The following ZYG11B variants were observed in gnomAD, a reference collection of about 807,000 sequenced individuals.
ZYG11B encodes protein zyg-11 homolog B.
Under a neutral mutation model 82.4 loss-of-function variants are expected in ZYG11B, and 36 were observed. That is an observed-to-expected ratio of 0.44 (90% CI 0.33 to 0.58). ZYG11B has a LOEUF of 0.58. Among genes scored for constraint, ZYG11B ranks in the 20% least tolerant of loss-of-function variants. The pLI is 0.02. For missense variants in ZYG11B, 552 were observed against 895.6 expected (o/e 0.62, Z 4.90); for synonymous variants, 303 against 312.8 (o/e 0.97, Z 0.33).
intron 12 of ZYG11B, among the ~76,000 whole-genome samples, chr1:52,815,656 C>T (rs564750471): frequency 6.1e-4 from 92 of 151,654 alleles, no homozygotes; most frequent in African/African-American, 2.2e-3. Context: ...ATAAATAGGC[C>T]GGGCATGGTG....
rs1359196323 is a variant in ZYG11B at position 52,825,125 on chromosome 1, G to A, written c.*3496G>A. 1 of 151,940 alleles carries A rather than the reference G, an allele frequency of 6.6e-6. No individual in the cohort carries two copies. Among genetic ancestry groups the A allele is most frequent in the African/African-American group, 2.4e-5 (1 of 41,368 alleles). 9.4% of individuals were successfully genotyped at this position (151,940 alleles called of 1,614,324 possible). On this transcript the variant is annotated 3_prime_UTR_variant, in exon 14 of 14. Coordinates refer to ENST00000294353, the MANE Select transcript of ZYG11B (RefSeq NM_024646.3). ...AAAATAGATTATAATGATACATATT[G>A]GTATCATTAAGACAACAGATTTGAG...
At chr1:52,748,260 A>G (rs1181289942) in intron 1 of ZYG11B, among the ~76,000 whole-genome samples, 1 of 152,200 alleles carries the variant, frequency 6.6e-6, no homozygotes, top group Non-Finnish European at 1.5e-5. Flanking sequence ...GACCTGATAC[A>G]GAATAAATGC....
At chr1:52,764,623 A>G (rs986000871) in intron 2 of ZYG11B, among the ~76,000 whole-genome samples, 1 of 152,200 alleles carries the variant, frequency 6.6e-6, no homozygotes, top group Non-Finnish European at 1.5e-5. Context: ...AAATAAGACA[A>G]TGAATGCAAC....
At chr1:52,797,108 A>G (rs1478448485) in intron 8 of ZYG11B, among the ~76,000 whole-genome samples, 1 of 70,586 alleles carries the variant, frequency 1.4e-5, no homozygotes, top group Admixed American at 2.4e-4. Flanking sequence ...CATATTGTAT[A>G]TATTTATATA....
chr1:52,749,310 A>C (rs937988999), intron 1 of ZYG11B, among the ~76,000 whole-genome samples: 6 of 152,224 alleles, frequency 3.9e-5, no homozygotes, highest in African/African-American at 1.4e-4. Context: ...TACAGTACTT[A>C]AGGAATAGTA....
intron 2 of ZYG11B, among the ~76,000 whole-genome samples, chr1:52,762,833 C>T (rs1025517367): frequency 1.3e-5 from 2 of 152,220 alleles, no homozygotes; most frequent in Admixed American, 6.5e-5. Flanking sequence ...CTGCCAACCT[C>T]GGCCTCCCAA....
rs541693626 is a variant in ZYG11B, at chr1:52,726,627, C to A, written c.-27C>A. The A allele has an allele frequency of 9.8e-6, 14 of 1,433,732 alleles. No individual in the cohort carries two copies. Among genetic ancestry groups the A allele is most frequent in the Non-Finnish European group, 1.3e-5 (14 of 1,099,330 alleles). The allele number at this position is 1,433,732 out of a possible 1,614,324, so 88.8% of individuals were successfully genotyped here. ...CCTGGGGGCGGGCTCCGGTCCGGCC[C>A]GCCGCCGCACCCAGGACGGAGGCTG... On this transcript the variant is annotated 5_prime_UTR_variant, in exon 1 of 14. Transcript: ENST00000294353.
At position 52,813,671 on chromosome 1, in the gene ZYG11B, T is replaced by C; in HGVS notation, c.1831T>C (p.Ser611Pro). ...AGCTGGAATTATTGCCCATTTAATA[T>C]CCAGAGGTGAACAAGCTTGGACATT... ...FAAGIIAHLI[S>P]RGEQAWTLSR... Residue 611 changes from serine (S) to proline (P), a missense_variant, in exon 11 of 14, where the codon TCC (serine) becomes CCC (proline). Coordinates refer to ENST00000294353, the MANE Select transcript of ZYG11B (RefSeq NM_024646.3). 6.2e-7 allele frequency: 1 copy of C among 1,614,154 alleles called. No individual in the cohort carries two copies. The highest frequency in any genetic ancestry group is 8.5e-7 in the Non-Finnish European group (1 of 1,180,036).
chr1:52,750,732 G>A (rs565923612), intron 1 of ZYG11B, among the ~76,000 whole-genome samples: 14 of 152,178 alleles, frequency 9.2e-5, no homozygotes, highest in African/African-American at 3.1e-4. Flanking sequence ...CCAAAAAGAA[G>A]CCCTGTGCCC....
chr1:52,821,375 A>G (rs1645282239), intron 13 of ZYG11B, 64 bp from the exon 14 acceptor site: 2 of 1,477,942 alleles, frequency 1.4e-6, no homozygotes, highest in East Asian at 2.3e-5. Flanking sequence ...TTGTGGAATA[A>G]TTTTCAAGTG....
chr1:52,752,404 G>T (rs1644533851), intron 1 of ZYG11B, among the ~76,000 whole-genome samples: 1 of 152,090 alleles, frequency 6.6e-6, no homozygotes, highest in South Asian at 2.1e-4. Context: ...CAGCAGCCTG[G>T]ATACTTTCCA....
At chr1:52,745,074 G>A (rs950587396) in intron 1 of ZYG11B, among the ~76,000 whole-genome samples, 10 of 152,306 alleles carry the variant, frequency 6.6e-5, no homozygotes, top group Non-Finnish European at 1.5e-4. Context: ...AGATTCTGAA[G>A]TCCACAAGTG....
At position 52,826,789 on chromosome 1, in the gene ZYG11B, G is replaced by T. The variant is rs1237376339; in HGVS notation, c.*5160G>T. The stretch of plus-strand genomic sequence containing the variant: ...CCAAGTTTATCAAAATTATTTTGTG[G>T]GAAATCATCAATCTATTTTATTAAT... On this transcript the variant is annotated 3_prime_UTR_variant, in exon 14 of 14. Transcript: ENST00000294353. 1 of 152,084 alleles carries T rather than the reference G, an allele frequency of 6.6e-6. No individual in the cohort carries two copies. The highest frequency in any genetic ancestry group is 2.4e-5 in the African/African-American group (1 of 41,402). 9.4% of individuals were successfully genotyped at this position (152,084 alleles called of 1,614,324 possible).
chr1:52,811,345 C>T (rs1326486470), intron 10 of ZYG11B, among the ~76,000 whole-genome samples: 2 of 152,184 alleles, frequency 1.3e-5, no homozygotes, highest in Non-Finnish European at 2.9e-5. Context: ...TCTGCTTCTT[C>T]TATGACTTCA....
At chr1:52,764,535 T>TA (rs1179923413) in intron 2 of ZYG11B, among the ~76,000 whole-genome samples, 1 of 152,144 alleles carries the variant, frequency 6.6e-6, no homozygotes. Context: ...CTGGATAAGT[T>TA]ACTCTGCAAG....
chr1:52,802,034 A>G, intron 9 of ZYG11B, 54 bp downstream of exon 9: 2 of 1,582,682 alleles, frequency 1.3e-6, no homozygotes, highest in Non-Finnish European at 1.7e-6. Context: ...TATTTACTTT[A>G]GCATTTATTT....
chr1:52,790,594 G>A (rs1057384169), intron 6 of ZYG11B, among the ~76,000 whole-genome samples: 2 of 151,742 alleles, frequency 1.3e-5, no homozygotes, highest in Admixed American at 6.6e-5. Flanking sequence ...GGTGGCGCAC[G>A]CCTGGAATCC....
intron 6 of ZYG11B, 85 bp from the exon 7 acceptor site, chr1:52,796,207 G>T: frequency 1.1e-6 from 1 of 950,964 alleles, no homozygotes. Flanking sequence ...ATATATTTAA[G>T]TTGTAGCATC....
chr1:52,735,036 CTTT>C (rs781624927), intron 1 of ZYG11B, among the ~76,000 whole-genome samples: 2 of 138,968 alleles, frequency 1.4e-5, no homozygotes, highest in Non-Finnish European at 3.1e-5. Flanking sequence ...GTCCAAATCA[CTTT>C]TTTTTTTTTT....
Sources: allele counts gnomAD v4.1 joint callset (sites outside exome capture counted in the v4.1 genomes callset), GRCh38; gene constraint gnomAD v4.1.1; transcripts MANE v1.5; gene names NCBI Gene and HGNC (gene_info 2026-07-23, HGNC 2026-07-21).